The following AGBL1 variants were observed in gnomAD, a reference collection of about 807,000 sequenced individuals.
AGBL1 encodes the protein cytosolic carboxypeptidase 4.
In AGBL1, 130 loss-of-function variants were observed where a neutral mutation model predicts 118.9. The ratio of observed to expected loss-of-function variants is 1.09; its 90% CI spans 0.95 to 1.26. AGBL1 has a LOEUF of 1.26. Ranked by LOEUF, AGBL1 falls within the 50% of genes most tolerant of loss-of-function variation. The probability of loss-of-function intolerance (pLI) is 0.00; values close to 1 mark genes in which losing one functional copy is unlikely to be tolerated. For synonymous variants in AGBL1, 555 were observed against 478.9 expected, an observed-to-expected ratio of 1.16 and a Z score of -2.08; for missense variants, 1,584 against 1,298.1, an observed-to-expected ratio of 1.22 and a Z score of -3.38.
chr15:87,012,695 G>T (rs975631898), intron 24 of AGBL1, among the ~76,000 whole-genome samples: 21 of 151,890 alleles, frequency 1.4e-4, no homozygotes, highest in African/African-American at 4.8e-4. Flanking sequence ...GTCCAGTGTA[G>T]TCAATACGAA....
intron 24 of AGBL1, among the ~76,000 whole-genome samples, chr15:86,990,594 C>A (rs921898413): frequency 6.6e-6 from 1 of 152,224 alleles, no homozygotes; most frequent in Non-Finnish European, 1.5e-5. Context: ...ATAGCACTTA[C>A]TATCTACCAG....
chr15:86,692,367 C>T (rs940607745), intron 22 of AGBL1, among the ~76,000 whole-genome samples: 2 of 152,006 alleles, frequency 1.3e-5, no homozygotes, highest in East Asian at 1.9e-4. Context: ...GGTGAAGCAC[C>T]TTGGGAAAAG....
intron 17 of AGBL1, among the ~76,000 whole-genome samples, chr15:86,391,460 C>T (rs1402209152): frequency 2.0e-5 from 3 of 151,592 alleles, no homozygotes; most frequent in Non-Finnish European, 4.4e-5. Context: ...CTCCTGTTTT[C>T]CTTCTATCAG....
At chr15:86,732,872 TATAG>T (rs988729348) in intron 22 of AGBL1, among the ~76,000 whole-genome samples, 1 of 151,236 alleles carries the variant, frequency 6.6e-6, no homozygotes, top group Non-Finnish European at 1.5e-5. Flanking sequence ...ATAAGATATA[TATAG>T]ATAGATATAT....
intron 23 of AGBL1, among the ~76,000 whole-genome samples, chr15:86,950,800 G>T (rs1474747417): frequency 6.6e-6 from 1 of 151,760 alleles, no homozygotes; most frequent in Non-Finnish European, 1.5e-5. Flanking sequence ...ATGTCAAAAT[G>T]GTTAATCAAT....
chr15:86,147,108 A>G (rs2077042722), intron 3 of AGBL1, among the ~76,000 whole-genome samples: 1 of 152,230 alleles, frequency 6.6e-6, no homozygotes, highest in African/African-American at 2.4e-5. Flanking sequence ...TATTTGGAAC[A>G]GTAATGTAGA....
At chr15:86,303,529 A>G (rs1423177868) in intron 17 of AGBL1, among the ~76,000 whole-genome samples, 1 of 152,156 alleles carries the variant, frequency 6.6e-6, no homozygotes, top group Non-Finnish European at 1.5e-5. Context: ...TCGGGGGATA[A>G]GAAGTTTGGT....
chr15:86,699,186 T>A (rs182976750), intron 22 of AGBL1, among the ~76,000 whole-genome samples: 12 of 152,184 alleles, frequency 7.9e-5, no homozygotes, highest in Non-Finnish European at 1.3e-4. Flanking sequence ...ATATCTTCAT[T>A]GAGATTTGTC....
At chr15:86,133,837 A>G (rs66461024) in intron 1 of AGBL1, among the ~76,000 whole-genome samples, 24,574 of 152,086 alleles carry the variant, frequency 0.16, 2,347 homozygotes, top group East Asian at 0.34. Context: ...TATGCCATTT[A>G]TTTTTTTATT....
chr15:86,159,471 C>G (rs2077237085), intron 5 of AGBL1, among the ~76,000 whole-genome samples: 5 of 152,198 alleles, frequency 3.3e-5, no homozygotes, highest in Admixed American at 2.6e-4. Context: ...TCTAAAGAGA[C>G]AGCCAGTTAA....
chr15:87,001,238 T>G (rs1231459661), intron 24 of AGBL1, among the ~76,000 whole-genome samples: 1 of 151,450 alleles, frequency 6.6e-6, no homozygotes. Flanking sequence ...CCTGCCTCAT[T>G]GCCCTGGCCA....
chr15:86,250,015 G>C (rs1210261556), intron 7 of AGBL1, among the ~76,000 whole-genome samples: 1 of 152,192 alleles, frequency 6.6e-6, no homozygotes, highest in African/African-American at 2.4e-5. Context: ...AGTGCACACA[G>C]AGTGTGCACT....
intron 21 of AGBL1, among the ~76,000 whole-genome samples, chr15:86,622,812 T>C (rs2084833015): frequency 6.6e-6 from 1 of 152,174 alleles, no homozygotes; most frequent in Non-Finnish European, 1.5e-5. Flanking sequence ...TAATATTACA[T>C]TGTAATATAT....
intron 1 of AGBL1, among the ~76,000 whole-genome samples, chr15:86,131,988 G>A (rs1194910915): frequency 6.6e-6 from 1 of 151,472 alleles, no homozygotes; most frequent in Non-Finnish European, 1.5e-5. Flanking sequence ...TACATGGGAT[G>A]CCAGTTCATA....
chr15:86,927,858 C>G (rs546290711), intron 23 of AGBL1, among the ~76,000 whole-genome samples: 242 of 152,116 alleles, frequency 1.6e-3, no homozygotes, highest in Non-Finnish European at 3.0e-3. Context: ...ATTACCTGAC[C>G]TCACCCTTCC....
At chr15:86,326,007 A>G (rs1380118453) in intron 17 of AGBL1, among the ~76,000 whole-genome samples, 1 of 152,168 alleles carries the variant, frequency 6.6e-6, no homozygotes, top group Admixed American at 6.5e-5. Context: ...AGATATGATC[A>G]TGTAAGTCTT....
downstream of AGBL1, among the ~76,000 whole-genome samples, chr15:86,919,471 T>C (rs1408235002): frequency 6.6e-6 from 1 of 151,954 alleles, no homozygotes; most frequent in Non-Finnish European, 1.5e-5. Context: ...ATGACATTAA[T>C]TAAGGTAAGG....
chr15:86,595,960 T>G (rs1035669600), intron 21 of AGBL1, among the ~76,000 whole-genome samples: 12 of 152,008 alleles, frequency 7.9e-5, no homozygotes, highest in Non-Finnish European at 1.6e-4. Context: ...CCTGTGGAGT[T>G]AGTTAGTCCC....
At chr15:86,728,955 C>T (rs2077493461) in intron 22 of AGBL1, among the ~76,000 whole-genome samples, 1 of 152,146 alleles carries the variant, frequency 6.6e-6, no homozygotes, top group South Asian at 2.1e-4. Flanking sequence ...TCTGATGTAT[C>T]TACAGAGTTC....
Sources: allele counts gnomAD v4.1 joint callset (sites outside exome capture counted in the v4.1 genomes callset), GRCh38; gene constraint gnomAD v4.1.1; transcripts MANE v1.5; gene names NCBI Gene and HGNC (gene_info 2026-07-23, HGNC 2026-07-21).